The following ARPP21 variants were observed in gnomAD, a reference collection of about 807,000 sequenced individuals.
The protein encoded by ARPP21 is cAMP-regulated phosphoprotein 21.
A neutral mutation model predicts 113.2 loss-of-function variants in ARPP21; 69 were observed. The observed-to-expected ratio is 0.61, with a 90% CI of 0.50 to 0.74. ARPP21 has a LOEUF of 0.74. Ranked by LOEUF, ARPP21 falls within the 30% of genes least tolerant of loss-of-function variation. The probability of loss-of-function intolerance (pLI) is 0.00; values close to 1 mark genes in which losing one functional copy is unlikely to be tolerated. For synonymous variants in ARPP21, 368 were observed against 375.5 expected (o/e 0.98, Z 0.23); for missense variants, 1,070 against 1,037.4 (o/e 1.03, Z -0.43).
At chr3:35,676,782 A>G (rs967293562) in intron 1 of ARPP21, among the ~76,000 whole-genome samples, 19 of 152,044 alleles carry the variant, frequency 1.2e-4, no homozygotes, top group Non-Finnish European at 1.6e-4. Context: ...TTACATCCCA[A>G]TGACTTTTTT....
intron 3 of ARPP21, 92 bp from the exon 4 acceptor site, chr3:35,682,752 TTCTC>T: frequency 1.7e-6 from 2 of 1,151,782 alleles, no homozygotes; most frequent in Non-Finnish European, 1.2e-6. Context: ...AGTGACATTT[TTCTC>T]TCTTTCTTTC....
intron 1 of ARPP21, among the ~76,000 whole-genome samples, chr3:35,667,690 G>A (rs564777816): frequency 6.6e-6 from 1 of 151,944 alleles, no homozygotes; most frequent in African/African-American, 2.4e-5. Flanking sequence ...TTAATTAAAA[G>A]GAAATGTAAT....
chr3:35,685,636 G>A (rs1211125498), intron 5 of ARPP21: 1 of 985,000 alleles, frequency 1.0e-6, no homozygotes, highest in Non-Finnish European at 1.2e-6. Context: ...TCCAGTGTGG[G>A]AAAAACTCTT....
chr3:35,640,601 C>T (rs547753255), intron 1 of ARPP21, among the ~76,000 whole-genome samples: 2 of 152,160 alleles, frequency 1.3e-5, no homozygotes, highest in East Asian at 1.9e-4. Context: ...ACGCTCCTTC[C>T]CCCAGAAAAG....
intron 13 of ARPP21, among the ~76,000 whole-genome samples, chr3:35,720,096 A>G (rs906838214): frequency 1.3e-5 from 2 of 152,210 alleles, no homozygotes; most frequent in African/African-American, 4.8e-5. Flanking sequence ...GTTTTCATCA[A>G]GTGGTTCTTA....
intron 19 of ARPP21, among the ~76,000 whole-genome samples, chr3:35,771,678 T>A (rs1282065785): frequency 2.0e-5 from 3 of 152,170 alleles, no homozygotes; most frequent in African/African-American, 7.2e-5. Flanking sequence ...AATAATACAA[T>A]ACATTTCTTA....
chr3:35,675,800 A>G (rs1049680535), intron 1 of ARPP21, among the ~76,000 whole-genome samples: 3 of 97,808 alleles, frequency 3.1e-5, no homozygotes, highest in Non-Finnish European at 4.7e-5. Flanking sequence ...TAAGATGAAG[A>G]TGATGATGAT....
At chr3:35,704,381 G>A (rs1339641222) in intron 9 of ARPP21, among the ~76,000 whole-genome samples, 1 of 151,604 alleles carries the variant, frequency 6.6e-6, no homozygotes, top group Non-Finnish European at 1.5e-5. Context: ...ACAAAGAAAT[G>A]GAAATGATAT....
In ARPP21 at chr3:35,712,514, C is replaced by G. The variant is rs866997875; in HGVS notation, c.898-2925C>G. 7.5e-3 allele frequency among the ~76,000 whole-genome samples: 1,001 copies of G among 132,890 alleles called. 16 individuals are homozygous for G. The highest frequency in any genetic ancestry group is 0.025 in the African/African-American group (837 of 34,072). 87.2% of individuals were successfully genotyped at this position (132,890 alleles called of 152,430 possible). On this transcript the variant is annotated intron_variant, in intron 11 of 20. Coordinates refer to ENST00000684406, the MANE Select transcript of ARPP21 (RefSeq NM_001385562.1). ...AAATATATCTTGGTGTCTAAGGTGT[C>G]TGTGTGTGTGTGTGTGTGTGTGTGT...
intron 18 of ARPP21, among the ~76,000 whole-genome samples, chr3:35,740,996 G>A (rs1010891774): frequency 3.3e-5 from 5 of 152,080 alleles, no homozygotes; most frequent in Non-Finnish European, 5.9e-5. Context: ...TACCTATTTG[G>A]GAGGCTGAGG....
At chr3:35,787,981 AT>A (rs2096666558) in intron 19 of ARPP21, among the ~76,000 whole-genome samples, 1 of 152,210 alleles carries the variant, frequency 6.6e-6, no homozygotes, top group Admixed American at 6.5e-5. Flanking sequence ...GTTTAGTAAT[AT>A]TGACTGCCTC....
intron 9 of ARPP21, among the ~76,000 whole-genome samples, chr3:35,699,709 C>A (rs994477244): frequency 6.6e-6 from 1 of 151,596 alleles, no homozygotes; most frequent in African/African-American, 2.4e-5. Context: ...TTTGGCAATT[C>A]CCTGTCAAGT....
At chr3:35,757,227 T>TA (rs112002226) in intron 19 of ARPP21, among the ~76,000 whole-genome samples, 5,009 of 143,274 alleles carry the variant, frequency 0.035, 244 homozygotes, top group African/African-American at 0.11. Context: ...TCTGGCTAAT[T>TA]AAAAAAAAAA....
At chr3:35,702,570 AG>A (rs777882118) in intron 9 of ARPP21, among the ~76,000 whole-genome samples, 4 of 151,754 alleles carry the variant, frequency 2.6e-5, no homozygotes, top group Non-Finnish European at 4.4e-5. Context: ...GTTAAAGGAG[AG>A]TCAAAGAGTT....
intron 9 of ARPP21, among the ~76,000 whole-genome samples, chr3:35,695,937 A>C (rs144791201): frequency 1.9e-3 from 287 of 151,732 alleles, no homozygotes; most frequent in African/African-American, 6.6e-3. Flanking sequence ...ACTGCTGCAC[A>C]GTGGCAGCAG....
At chr3:35,710,399 G>A (rs1226076213) in intron 11 of ARPP21, among the ~76,000 whole-genome samples, 6 of 152,134 alleles carry the variant, frequency 3.9e-5, no homozygotes, top group Non-Finnish European at 8.8e-5. Context: ...ATCTTTTCCA[G>A]TCATAATAAG....
intron 19 of ARPP21, among the ~76,000 whole-genome samples, chr3:35,751,427 G>A (rs1376915771): frequency 6.6e-6 from 1 of 152,050 alleles, no homozygotes; most frequent in Admixed American, 6.6e-5. Flanking sequence ...GCTTTTATGG[G>A]GCTTTCTTAT....
chr3:35,766,995 T>C (rs2151429072), intron 19 of ARPP21, among the ~76,000 whole-genome samples: 1 of 152,290 alleles, frequency 6.6e-6, no homozygotes, highest in East Asian at 1.9e-4. Flanking sequence ...ATGCTTGGAA[T>C]TGGGGTTAAA....
Position 35,655,183 on chromosome 3 carries a change from A to C in ARPP21, c.-213+14785A>C, listed in dbSNP as rs188661054. On this transcript the variant is annotated intron_variant, in intron 1 of 20. Transcript: ENST00000684406. ...ATAAACTTTATTTTACTTTTGAGAA[A>C]TATTTCTGCAGAGATAACAGAAAAT... is the stretch of plus-strand genomic sequence containing the variant. Among the ~76,000 whole-genome samples the C allele has an allele frequency of 3.0e-3, 453 of 152,092 alleles. 1 individual carries two copies. The highest frequency in any genetic ancestry group is 4.5e-3 in the Non-Finnish European group (303 of 67,944).
Sources: gnomAD v4.1 joint callset for allele counts (sites outside exome capture counted in the v4.1 genomes callset) on GRCh38, gnomAD v4.1.1 for gene constraint, MANE v1.5 for transcripts, NCBI Gene and HGNC (gene_info 2026-07-23, HGNC 2026-07-21) for gene names.